The following DIAPH3 variants were observed in gnomAD, a reference collection of about 807,000 sequenced individuals.
The protein encoded by DIAPH3 is diaphanous related formin 3.
Under a neutral mutation model 144.3 loss-of-function variants are expected in DIAPH3, and 117 were observed. That is an observed-to-expected ratio of 0.81 (90% CI 0.70 to 0.95). The LOEUF (loss-of-function observed/expected upper bound fraction) is 0.95. DIAPH3 is among the 40% of genes least tolerant of loss of function. DIAPH3 has a pLI of 0.00. For missense variants in DIAPH3, 1,421 were observed against 1,412.7 expected, an observed-to-expected ratio of 1.01 and a Z score of -0.09; for synonymous variants, 519 against 488.9, an observed-to-expected ratio of 1.06 and a Z score of -0.81.
chr13:59,766,499 C>T (rs1307290739), intron 27 of DIAPH3, among the ~76,000 whole-genome samples: 1 of 152,062 alleles, frequency 6.6e-6, no homozygotes, highest in Non-Finnish European at 1.5e-5. Flanking sequence ...TCAGAATTTT[C>T]CCTCAATTAC....
intron 17 of DIAPH3, among the ~76,000 whole-genome samples, chr13:59,958,145 TC>T (rs1370062342): frequency 6.6e-6 from 1 of 152,212 alleles, no homozygotes; most frequent in Non-Finnish European, 1.5e-5. Context: ...ATAAAATTTT[TC>T]CAATTAAAAT....
At chr13:59,757,503 C>T (rs2037347905) in intron 27 of DIAPH3, among the ~76,000 whole-genome samples, 1 of 148,900 alleles carries the variant, frequency 6.7e-6, no homozygotes, top group African/African-American at 2.5e-5. Flanking sequence ...CAGGTTCACG[C>T]CATTCTCCTG....
At chr13:60,052,958 TTAA>T (rs1388510324) in intron 4 of DIAPH3, among the ~76,000 whole-genome samples, 2 of 10,612 alleles carry the variant, frequency 1.9e-4, no homozygotes, top group African/African-American at 1.3e-3. Context: ...AGACTCCCTC[TTAA>T]AAAAAAAAAA....
At chr13:59,753,633 T>C (rs953348121) in intron 27 of DIAPH3, among the ~76,000 whole-genome samples, 4 of 152,174 alleles carry the variant, frequency 2.6e-5, no homozygotes, top group African/African-American at 9.6e-5. Flanking sequence ...AATAAACACA[T>C]TGAAACAGGT....
At chr13:59,845,862 A>G (rs1260092602) in intron 22 of DIAPH3, among the ~76,000 whole-genome samples, 1 of 152,236 alleles carries the variant, frequency 6.6e-6, no homozygotes, top group Non-Finnish European at 1.5e-5. Context: ...ATTCCTTAAG[A>G]TAAGACACCA....
At position 59,833,232 on chromosome 13, in the gene DIAPH3, A is replaced by G. The variant is rs1203549142; in HGVS notation, c.2902T>C (p.Ser968Pro). 48 of 1,609,604 alleles carry G rather than the reference A, an allele frequency of 3.0e-5. No individual in the cohort carries two copies. The Admixed American group carries it at 7.9e-4, about 26-fold the overall frequency. The change falls in exon 24 of 28, where the codon TCG (serine) becomes CCG (proline). Residue 968 changes from serine to proline, a missense_variant. Transcript: ENST00000400324. ...ISAKEQYETL[S>P]KLHENMEKLY... ...TTTTCCATGTTTTCGTGTAACTTCG[A>G]AAGTGTCTCATATTGTTCTTTTGCA...
At chr13:59,752,472 A>G (rs990926021) in intron 27 of DIAPH3, among the ~76,000 whole-genome samples, 1 of 151,960 alleles carries the variant, frequency 6.6e-6, no homozygotes, top group Non-Finnish European at 1.5e-5. Context: ...GGCTCAAGCA[A>G]TCCTCCCATC....
intron 21 of DIAPH3, among the ~76,000 whole-genome samples, chr13:59,864,453 A>T (rs1224983953): frequency 6.6e-6 from 1 of 151,934 alleles, no homozygotes; most frequent in Non-Finnish European, 1.5e-5. Context: ...ACCCTTGTAG[A>T]CTGTTTGGAA....
At position 60,013,633 on chromosome 13, in the gene DIAPH3, T is replaced by C. The variant is rs567274675; in HGVS notation, c.771+2280A>G. ...ATGTTATAAGAAATTCACTTTCATG[T>C]AATGTTATCAAATTTGCCCATTAAT... On this transcript the variant is annotated intron_variant, in intron 7 of 27. Transcript: ENST00000400324. Among the ~76,000 whole-genome samples the C allele has an allele frequency of 2.6e-5, 4 of 152,352 alleles. No homozygotes were observed. The South Asian group carries it at 8.3e-4, about 32-fold the overall frequency.
chr13:60,086,707 A>G (rs1371566953), intron 4 of DIAPH3, among the ~76,000 whole-genome samples: 3 of 152,186 alleles, frequency 2.0e-5, no homozygotes, highest in Non-Finnish European at 4.4e-5. Flanking sequence ...GAACAACCAA[A>G]AAGTGAGAGA....
intron 27 of DIAPH3, among the ~76,000 whole-genome samples, chr13:59,717,543 G>A (rs1438073333): frequency 6.6e-6 from 1 of 152,122 alleles, no homozygotes; most frequent in Non-Finnish European, 1.5e-5. Context: ...GACCATTTGG[G>A]ATAAGTCTTA....
At chr13:60,107,597 G>T (rs2058457051) in intron 3 of DIAPH3, among the ~76,000 whole-genome samples, 1 of 152,026 alleles carries the variant, frequency 6.6e-6, no homozygotes, top group African/African-American at 2.4e-5. Flanking sequence ...TTAAATAGTA[G>T]GTCATCTAAG....
At chr13:59,678,204 A>G (rs2032748410) in intron 27 of DIAPH3, among the ~76,000 whole-genome samples, 1 of 152,008 alleles carries the variant, frequency 6.6e-6, no homozygotes, top group African/African-American at 2.4e-5. Flanking sequence ...GCCTTTTTTT[A>G]TTGTTCTATT....
chr13:59,764,679 T>C (rs1028199616), intron 27 of DIAPH3, among the ~76,000 whole-genome samples: 2 of 150,412 alleles, frequency 1.3e-5, no homozygotes, highest in Admixed American at 6.7e-5. Flanking sequence ...GAACACCATG[T>C]GATGATGGAG....
rs866642830 is a variant in DIAPH3 at position 59,834,729 on chromosome 13, C to T, written c.2863-1458G>A. ...GTTAAACTCCAACTTCTGTATTCGT[C>T]AAGAGCTTTGGAAAAATACGTGAGA... is the stretch of plus-strand genomic sequence containing the variant. On this transcript the variant is annotated intron_variant, in intron 23 of 27. Transcript: ENST00000400324. Among the ~76,000 whole-genome samples the T allele has an allele frequency of 2.6e-5, 4 of 151,692 alleles. No individual in the cohort carries two copies. The Admixed American group carries it at 2.6e-4, about 10-fold the overall frequency.
chr13:59,768,411 A>T lies in DIAPH3; in HGVS notation c.3319+5778T>A, dbSNP rs545450339. ...AAAATGGTAGTTGTCAACATTTACT[A>T]CTTCAATAGAGTTGTCTTCATTGTT... On this transcript the variant is annotated intron_variant, in intron 27 of 27. Coordinates refer to ENST00000400324, the MANE Select transcript of DIAPH3 (RefSeq NM_001042517.2). Among the ~76,000 whole-genome samples, 3 of 152,204 alleles carry T rather than the reference A, an allele frequency of 2.0e-5. No homozygotes were observed. In the East Asian group the frequency reaches 5.8e-4, roughly 29 times the overall value.
intron 27 of DIAPH3, among the ~76,000 whole-genome samples, chr13:59,670,445 G>A (rs1175549174): frequency 6.6e-6 from 1 of 152,090 alleles, no homozygotes; most frequent in African/African-American, 2.4e-5. Context: ...CTCCAGACAT[G>A]GGAGACCAAA....
chr13:59,956,860 G>C (rs990728207), intron 17 of DIAPH3, among the ~76,000 whole-genome samples: 2 of 152,234 alleles, frequency 1.3e-5, no homozygotes, highest in African/African-American at 4.8e-5. Flanking sequence ...GTGTGACCTA[G>C]ATGTGAGACA....
At position 59,872,597 on chromosome 13, in the gene DIAPH3, C is replaced by A. The variant is rs545835083; in HGVS notation, c.2607+6632G>T. 2.0e-5 allele frequency among the ~76,000 whole-genome samples: 3 copies of A among 152,222 alleles called. No homozygotes were observed. In the South Asian group the frequency reaches 6.2e-4, roughly 32 times the overall value. On this transcript the variant is annotated intron_variant, in intron 21 of 27. Coordinates refer to ENST00000400324, the MANE Select transcript of DIAPH3 (RefSeq NM_001042517.2). ...ATGTTGCATGTTTTGTCTCTGATTC[C>A]AAAAATGTAGAAACAATGCAGACCC...
Sources: gnomAD v4.1 joint callset for allele counts (sites outside exome capture counted in the v4.1 genomes callset) on GRCh38, gnomAD v4.1.1 for gene constraint, MANE v1.5 for transcripts, NCBI Gene and HGNC (gene_info 2026-07-23, HGNC 2026-07-21) for gene names.